UGT1A5: variants seen among roughly 807,000 people sequenced by gnomAD.
UGT1A5 encodes UDP glucuronosyltransferase family 1 member A5, also known as UDP-glucuronosyltransferase 1A5.
A neutral mutation model predicts 40.3 loss-of-function variants in UGT1A5; 29 were observed. The observed-to-expected ratio is 0.72, with a 90% CI of 0.54 to 0.98. The LOEUF (loss-of-function observed/expected upper bound fraction) is 0.98. UGT1A5 is among the 50% of genes least tolerant of loss of function. The pLI, the probability that UGT1A5 is intolerant of heterozygous loss-of-function variation, is 0.00. For missense variants in UGT1A5, 678 were observed against 677.9 expected (o/e 1.00, Z 0.00); for synonymous variants, 257 against 262.5 (o/e 0.98, Z 0.20).
At chr2:233,728,181 A>T (rs2077687901) in intron 1 of UGT1A5, among the ~76,000 whole-genome samples, 1 of 152,226 alleles carries the variant, frequency 6.6e-6, no homozygotes, top group South Asian at 2.1e-4. Context: ...CATTCTTATC[A>T]GAACTTGGTG....
At chr2:233,736,896 C>A (rs1212789655) in intron 1 of UGT1A5, among the ~76,000 whole-genome samples, 1 of 152,186 alleles carries the variant, frequency 6.6e-6, no homozygotes, top group African/African-American at 2.4e-5. Context: ...GCTGCCTGAT[C>A]CTTCCTCTGG....
intron 1 of UGT1A5, among the ~76,000 whole-genome samples, chr2:233,749,032 A>G (rs1468122905): frequency 5.3e-5 from 8 of 151,716 alleles, no homozygotes; most frequent in Non-Finnish European, 1.2e-4. Flanking sequence ...TTTGGGGTTC[A>G]TTGATGTGGT....
chr2:233,747,872 G>C, intron 1 of UGT1A5: 5 of 1,613,496 alleles, frequency 3.1e-6, no homozygotes, highest in Non-Finnish European at 4.2e-6. Context: ...CTCTGGCCCT[G>C]TCCTACCTTT....
At chr2:233,742,758 T>A (rs1302155264) in intron 1 of UGT1A5, 3 of 153,094 alleles carry the variant, frequency 2.0e-5, no homozygotes, top group African/African-American at 7.3e-5. Context: ...AATATTAAGA[T>A]AATAAATGCA....
chr2:233,761,251 A>C, intron 1 of UGT1A5: 1 of 1,608,190 alleles, frequency 6.2e-7, no homozygotes. Flanking sequence ...AAGCATTCTG[A>C]GATAATTTAA....
At chr2:233,726,475 A>G (rs1008542072) in intron 1 of UGT1A5, among the ~76,000 whole-genome samples, 16 of 152,160 alleles carry the variant, frequency 1.1e-4, no homozygotes, top group African/African-American at 3.1e-4. Context: ...TTTAACAGAA[A>G]TTTCCTTTTT....
chr2:233,720,322 A>C (rs1355455978), intron 1 of UGT1A5, among the ~76,000 whole-genome samples: 3 of 152,124 alleles, frequency 2.0e-5, no homozygotes, highest in African/African-American at 7.2e-5. Context: ...ATGTGGGGAC[A>C]TCGTAGAGTT....
chr2:233,729,171 A>G, intron 1 of UGT1A5: 1 of 1,613,740 alleles, frequency 6.2e-7, no homozygotes, highest in Non-Finnish European at 8.5e-7. Context: ...TGGCCACAGG[A>G]CTGCTGCTTC....
At chr2:233,751,208 T>G (rs767963579) in intron 1 of UGT1A5, among the ~76,000 whole-genome samples, 3 of 151,940 alleles carry the variant, frequency 2.0e-5, no homozygotes, top group Non-Finnish European at 4.4e-5. Flanking sequence ...TTTTGGAGCT[T>G]TAAGATTTAA....
intron 1 of UGT1A5, chr2:233,747,247 C>A: frequency 6.2e-7 from 1 of 1,601,894 alleles, no homozygotes; most frequent in Non-Finnish European, 8.5e-7. Flanking sequence ...CCTGCTGTGG[C>A]TGGCCACAGG....
intron 1 of UGT1A5, among the ~76,000 whole-genome samples, chr2:233,764,749 G>A (rs2126012049): frequency 6.6e-6 from 1 of 152,298 alleles, no homozygotes; most frequent in East Asian, 1.9e-4. Flanking sequence ...GAGATGTGGT[G>A]CAGACCCTAG....
At chr2:233,718,817 T>C in intron 1 of UGT1A5, 1 of 1,613,436 alleles carries the variant, frequency 6.2e-7, no homozygotes, top group African/African-American at 1.3e-5. Context: ...TGGCTTCTGC[T>C]GAGATGGCCA....
At chr2:233,738,500 C>T (rs1380943528) in intron 1 of UGT1A5, among the ~76,000 whole-genome samples, 1 of 152,068 alleles carries the variant, frequency 6.6e-6, no homozygotes, top group Admixed American at 6.5e-5. Context: ...CGGTTTTGAC[C>T]AAAATGCTGA....
chr2:233,729,678 C>T (rs748966468), intron 1 of UGT1A5: 13 of 1,613,930 alleles, frequency 8.1e-6, no homozygotes, highest in Middle Eastern at 1.7e-4. Context: ...ACTTTAAGGG[C>T]ACACAGTGTC....
chr2:233,761,274 T>A, intron 1 of UGT1A5: 3 of 1,580,366 alleles, frequency 1.9e-6, no homozygotes, highest in Non-Finnish European at 2.6e-6. Flanking sequence ...TGCCCTCTTT[T>A]GTTAATTTTT....
chr2:233,719,204 T>G, intron 1 of UGT1A5: 1 of 1,614,240 alleles, frequency 6.2e-7, no homozygotes, highest in Non-Finnish European at 8.5e-7. Flanking sequence ...ATAGGTGTTG[T>G]GTGGAGCTAC....
chr2:233,767,784 A>C, intron 2 of UGT1A5, 65 bp from the exon 3 acceptor site: 1 of 1,613,694 alleles, frequency 6.2e-7, no homozygotes, highest in East Asian at 2.2e-5. Flanking sequence ...TAGTTAGTAT[A>C]GCAGATTTGT....
chr2:233,772,910 T>G lies in UGT1A5; in HGVS notation c.*351T>G, dbSNP rs1169260027. 5.1e-6 allele frequency: 2 copies of G among 393,790 alleles called. No individual in the cohort carries two copies. Among genetic ancestry groups the G allele is most frequent in the Non-Finnish European group, 8.9e-6 (2 of 225,424 alleles). The allele number at this position is 393,790 out of a possible 1,614,324, so 24.4% of individuals were successfully genotyped here. A position where few individuals can be genotyped will look rare whatever the true frequency, so the allele number is the denominator to read the frequency against. On this transcript the variant is annotated 3_prime_UTR_variant, in exon 5 of 5. Transcript: ENST00000373414. ...AAGGTGGTCCCACGGCTGCCCCTAC[T>G]GCAAATGGCAGTTTTAATCTTATCT...
Position 233,719,212 on chromosome 2 carries a change from T to C in UGT1A5, c.867+5354T>C, listed in dbSNP as rs1327237440. The C allele has an allele frequency of 1.9e-6, 3 of 1,614,142 alleles. No homozygotes were observed. The African/African-American group carries it at 4.0e-5, about 22-fold the overall frequency. ...GCCCTTCATAGGTGTTGTGTGGAGC[T>C]ACTGCATAATGAGGCCCTGATCAGG... On this transcript the variant is annotated intron_variant, in intron 1 of 4. Transcript: ENST00000373414.
Sources: allele counts gnomAD v4.1 joint callset (sites outside exome capture counted in the v4.1 genomes callset), GRCh38; gene constraint gnomAD v4.1.1; transcripts MANE v1.5; gene names NCBI Gene and HGNC (gene_info 2026-07-23, HGNC 2026-07-21).